The following TNFSF4 variants were observed in gnomAD, a reference collection of about 807,000 sequenced individuals.
The protein encoded by TNFSF4 is tumor necrosis factor ligand superfamily member 4.
In TNFSF4, 4 loss-of-function variants were observed where a neutral mutation model predicts 7.3. The ratio of observed to expected loss-of-function variants is 0.55; its 90% CI spans 0.27 to 1.25. TNFSF4 has a LOEUF of 1.25. Ranked by LOEUF, TNFSF4 falls within the 50% of genes most tolerant of loss-of-function variation. TNFSF4 has a pLI of 0.12. For synonymous variants in TNFSF4, 76 were observed against 83.7 expected (o/e 0.91, Z 0.50); for missense variants, 181 against 208.8 (o/e 0.87, Z 0.82).
At chr1:173,296,232 C>T in the TNFSF4 span, among the ~76,000 whole-genome samples, 1 of 151,912 alleles carries the variant, frequency 6.6e-6, no homozygotes, top group Non-Finnish European at 1.5e-5. Flanking sequence ...AATCCTGACC[C>T]CTTGGAAACC....
At chr1:173,378,749 C>T in the TNFSF4 span, among the ~76,000 whole-genome samples, 1 of 152,156 alleles carries the variant, frequency 6.6e-6, no homozygotes, top group Admixed American at 6.5e-5. Context: ...ACAGGAGGAC[C>T]TCTCAGCTTA....
At chr1:173,175,780 A>C in the TNFSF4 span, among the ~76,000 whole-genome samples, 1 of 152,178 alleles carries the variant, frequency 6.6e-6, no homozygotes, top group South Asian at 2.1e-4. Flanking sequence ...AACTGTCTAC[A>C]TGTCTAGACT....
At chr1:173,189,631 G>A (rs994979546) in intron 1 of TNFSF4, among the ~76,000 whole-genome samples, 1 of 151,954 alleles carries the variant, frequency 6.6e-6, no homozygotes, top group African/African-American at 2.4e-5. Context: ...AACCAACTCC[G>A]AGATCTCTTA....
At chr1:173,211,090 A>C (rs1557889524), upstream of TNFSF4, among the ~76,000 whole-genome samples, 1 of 152,232 alleles carries the variant, frequency 6.6e-6, no homozygotes, top group Non-Finnish European at 1.5e-5. Flanking sequence ...ATAAGGTCCT[A>C]AACTAAAGCA....
chr1:173,424,120 G>C, the TNFSF4 span, among the ~76,000 whole-genome samples: 4 of 152,218 alleles, frequency 2.6e-5, no homozygotes, highest in African/African-American at 9.7e-5. Flanking sequence ...TCAGGACTTA[G>C]GCCTGTCGTC....
the TNFSF4 span, among the ~76,000 whole-genome samples, chr1:173,176,623 G>A: frequency 6.6e-6 from 1 of 152,028 alleles, no homozygotes; most frequent in African/African-American, 2.4e-5. Flanking sequence ...CTATTATTGG[G>A]TATATACACA....
the TNFSF4 span, among the ~76,000 whole-genome samples, chr1:173,402,827 G>C: frequency 1.3e-5 from 2 of 152,064 alleles, no homozygotes; most frequent in Non-Finnish European, 2.9e-5. Flanking sequence ...GATTCAGGGA[G>C]TCTGAGGTGA....
the TNFSF4 span, among the ~76,000 whole-genome samples, chr1:173,214,393 G>A: frequency 1.3e-5 from 2 of 152,282 alleles, no homozygotes; most frequent in East Asian, 3.9e-4. Context: ...TAGATGCCCA[G>A]TAAAGTTTAT....
the TNFSF4 span, among the ~76,000 whole-genome samples, chr1:173,292,925 C>T: frequency 4.0e-5 from 6 of 151,776 alleles, no homozygotes; most frequent in Non-Finnish European, 5.9e-5. Context: ...CAAGAAATAC[C>T]GCTAACCAAG....
the TNFSF4 span, among the ~76,000 whole-genome samples, chr1:173,428,518 T>C: frequency 6.6e-6 from 1 of 152,250 alleles, no homozygotes; most frequent in Non-Finnish European, 1.5e-5. Context: ...TATGTGCAGC[T>C]GATTTTTATC....
the TNFSF4 span, among the ~76,000 whole-genome samples, chr1:173,231,621 A>G: frequency 6.6e-6 from 1 of 152,174 alleles, no homozygotes; most frequent in Non-Finnish European, 1.5e-5. Flanking sequence ...CAAATAAATA[A>G]AAGGAATTTT....
chr1:173,416,038 G>T, the TNFSF4 span, among the ~76,000 whole-genome samples: 8 of 152,310 alleles, frequency 5.3e-5, no homozygotes, highest in South Asian at 2.1e-4. Context: ...AGCCAACCAG[G>T]CCAGAAGATT....
chr1:173,367,620 A>G, the TNFSF4 span, among the ~76,000 whole-genome samples: 2 of 152,200 alleles, frequency 1.3e-5, no homozygotes, highest in Non-Finnish European at 2.9e-5. Flanking sequence ...TTGCAAAAAC[A>G]TAAGATCATG....
chr1:173,383,740 G>A, the TNFSF4 span, among the ~76,000 whole-genome samples: 14 of 151,914 alleles, frequency 9.2e-5, no homozygotes, highest in African/African-American at 2.9e-4. Context: ...GGCAACTTAC[G>A]GAGAAAACCA....
rs570406465 is a variant in TNFSF4, at chr1:173,183,878, T to C, written c.*2638A>G. The C allele has an allele frequency of 3.9e-5, 6 of 152,224 alleles. No homozygotes were observed. The highest frequency in any genetic ancestry group is 5.9e-5 in the Non-Finnish European group (4 of 68,038). 9.4% of individuals were successfully genotyped at this position (152,224 alleles called of 1,614,324 possible). A position where few individuals can be genotyped will look rare whatever the true frequency, so the allele number is the denominator to read the frequency against. Reference sequence around the variant, plus strand: ...CTTAAAATAGGGGACCTGCCCAGTATACTTAAGAACAAATTATGATTTGGA... The same window carrying C: ...CTTAAAATAGGGGACCTGCCCAGTACACTTAAGAACAAATTATGATTTGGA... On this transcript the variant is annotated 3_prime_UTR_variant, in exon 3 of 3. Transcript: ENST00000281834.
At chr1:173,303,111 C>A in the TNFSF4 span, among the ~76,000 whole-genome samples, 1 of 151,764 alleles carries the variant, frequency 6.6e-6, no homozygotes, top group Non-Finnish European at 1.5e-5. Context: ...TAGGTCAGAG[C>A]CACACTCTCT....
the TNFSF4 span, among the ~76,000 whole-genome samples, chr1:173,356,746 C>A: frequency 6.6e-6 from 1 of 152,190 alleles, no homozygotes; most frequent in African/African-American, 2.4e-5. Context: ...TGAGAGAGTT[C>A]TTTCTAGCTC....
At chr1:173,389,138 T>G in the TNFSF4 span, among the ~76,000 whole-genome samples, 1 of 152,218 alleles carries the variant, frequency 6.6e-6, no homozygotes, top group African/African-American at 2.4e-5. Context: ...TATCATCATT[T>G]AATTACACTT....
chr1:173,363,490 A>C, the TNFSF4 span: 330,624 of 422,296 alleles, frequency 0.78, 130,241 homozygotes, highest in East Asian at 0.92. Context: ...TGCCAGAATC[A>C]TTTCAAGTTC....
Sources: allele counts gnomAD v4.1 joint callset (sites outside exome capture counted in the v4.1 genomes callset), GRCh38; gene constraint gnomAD v4.1.1; transcripts MANE v1.5; gene names NCBI Gene and HGNC (gene_info 2026-07-23, HGNC 2026-07-21).